The following SPMIP11 variants were observed in gnomAD, a reference collection of about 807,000 sequenced individuals.
SPMIP11 encodes long intergenic non-protein coding RNA 935.
chr12:48,756,173 G>A, the SPMIP11 span, among the ~76,000 whole-genome samples: 2 of 152,050 alleles, frequency 1.3e-5, no homozygotes, highest in Admixed American at 6.5e-5. Flanking sequence ...ATGAGCCACC[G>A]TGCCCGGCCT....
chr12:48,745,277 CA>C, the SPMIP11 span, among the ~76,000 whole-genome samples: 154 of 131,274 alleles, frequency 1.2e-3, no homozygotes, highest in South Asian at 1.2e-3. Context: ...GACTCCATCT[CA>C]AAAAAAAAAA....
At chr12:48,752,324 G>A in the SPMIP11 span, among the ~76,000 whole-genome samples, 1 of 152,154 alleles carries the variant, frequency 6.6e-6, no homozygotes, top group Non-Finnish European at 1.5e-5. Flanking sequence ...AAGATTCCTT[G>A]AGGTACAAAA....
At chr12:48,770,551 C>G in the SPMIP11 span, among the ~76,000 whole-genome samples, 1 of 152,092 alleles carries the variant, frequency 6.6e-6, no homozygotes, top group Non-Finnish European at 1.5e-5. Flanking sequence ...CAATGAAAGG[C>G]GATAATAGTA....
chr12:48,736,160 T>C, the SPMIP11 span: 16 of 430,852 alleles, frequency 3.7e-5, no homozygotes, highest in Middle Eastern at 1.0e-3. Flanking sequence ...TCCCAGGACT[T>C]TGGAAGCCCG....
chr12:48,737,053 G>A, the SPMIP11 span, among the ~76,000 whole-genome samples: 312 of 151,480 alleles, frequency 2.1e-3, 1 homozygote, highest in East Asian at 0.014. Context: ...GGGCTCAAGC[G>A]ATCCTCCCAC....
chr12:48,731,630 C>A, the SPMIP11 span, among the ~76,000 whole-genome samples: 5 of 152,188 alleles, frequency 3.3e-5, no homozygotes, highest in Non-Finnish European at 7.3e-5. Flanking sequence ...CTTGCAGCCT[C>A]ATCCCATAAC....
chr12:48,731,788 G>T, the SPMIP11 span, among the ~76,000 whole-genome samples: 1 of 152,074 alleles, frequency 6.6e-6, no homozygotes, highest in Non-Finnish European at 1.5e-5. Context: ...GCACGTCAGA[G>T]AATCATATAG....
the SPMIP11 span, among the ~76,000 whole-genome samples, chr12:48,737,898 T>C: frequency 6.6e-6 from 1 of 152,028 alleles, no homozygotes; most frequent in African/African-American, 2.4e-5. Context: ...TCATGGCTCA[T>C]TGCAGCCCCA....
At chr12:48,742,284 T>C in the SPMIP11 span, among the ~76,000 whole-genome samples, 2 of 136,830 alleles carry the variant, frequency 1.5e-5, no homozygotes, top group East Asian at 2.1e-4. Context: ...TTTCCTTTTT[T>C]TTTTTTTTTT....
chr12:48,727,654 T>C, the SPMIP11 span: 3 of 656,272 alleles, frequency 4.6e-6, no homozygotes, highest in East Asian at 5.5e-5. Context: ...TACCTGGGGT[T>C]AGAGATTTAT....
the SPMIP11 span, among the ~76,000 whole-genome samples, chr12:48,757,267 T>C: frequency 6.6e-6 from 1 of 152,086 alleles, no homozygotes; most frequent in African/African-American, 2.4e-5. Context: ...AAAAAAAAAT[T>C]AAATTTTTTT....
At chr12:48,762,470 C>T in the SPMIP11 span, among the ~76,000 whole-genome samples, 2 of 145,104 alleles carry the variant, frequency 1.4e-5, no homozygotes, top group Non-Finnish European at 3.0e-5. Flanking sequence ...CAGGTTCAAG[C>T]GATTCTCCTG....
the SPMIP11 span, among the ~76,000 whole-genome samples, chr12:48,755,760 C>T: frequency 6.6e-6 from 1 of 152,150 alleles, no homozygotes. Context: ...GACAATCAGC[C>T]TGAGGCCTCG....
the SPMIP11 span, chr12:48,768,810 C>T: frequency 6.4e-7 from 1 of 1,559,624 alleles, no homozygotes; most frequent in Admixed American, 1.8e-5. Context: ...AGCTCCCTTC[C>T]CCCAGTCCCT....
the SPMIP11 span, among the ~76,000 whole-genome samples, chr12:48,755,884 T>C: frequency 6.7e-6 from 1 of 148,518 alleles, no homozygotes; most frequent in Non-Finnish European, 1.5e-5. Flanking sequence ...TCTTTTTTTT[T>C]TTTTTTTTTT....
chr12:48,770,648 G>T, the SPMIP11 span: 1 of 1,004,344 alleles, frequency 1.0e-6, no homozygotes, highest in Non-Finnish European at 1.5e-6. Flanking sequence ...GAGGTCAGAG[G>T]GAAGAAAACC....
chr12:48,740,900 A>T, the SPMIP11 span, among the ~76,000 whole-genome samples: 2 of 151,898 alleles, frequency 1.3e-5, no homozygotes, highest in African/African-American at 4.8e-5. Context: ...AAATAAAAAT[A>T]AAAGAGATGA....
chr12:48,736,420 A>G, the SPMIP11 span, among the ~76,000 whole-genome samples: 2 of 151,652 alleles, frequency 1.3e-5, no homozygotes, highest in South Asian at 4.2e-4. Context: ...TCTCAAAAAA[A>G]AAAAAAAAAA....
chr12:48,737,835 A>G, the SPMIP11 span, among the ~76,000 whole-genome samples: 5 of 151,036 alleles, frequency 3.3e-5, no homozygotes, highest in Admixed American at 6.6e-5. Flanking sequence ...ATTAATCACT[A>G]TTTTTGAGAC....
Sources: allele counts gnomAD v4.1 joint callset (sites outside exome capture counted in the v4.1 genomes callset), GRCh38; gene constraint gnomAD v4.1.1; transcripts MANE v1.5; gene names NCBI Gene and HGNC (gene_info 2026-07-23, HGNC 2026-07-21).